The following TMC5 variants were observed in gnomAD, a reference collection of about 807,000 sequenced individuals.
The protein encoded by TMC5 is transmembrane channel like 5.
TMC5 carries 86 observed loss-of-function variants against 110.5 expected under a neutral mutation model. That is an observed-to-expected ratio of 0.78 (90% CI 0.65 to 0.93). The LOEUF is 0.93. TMC5 is among the 40% of genes least tolerant of loss of function. The pLI, the probability that TMC5 is intolerant of heterozygous loss-of-function variation, is 0.00. For synonymous variants in TMC5, 455 were observed against 439.5 expected, an observed-to-expected ratio of 1.04 and a Z score of -0.44; for missense variants, 1,144 against 1,222.8, an observed-to-expected ratio of 0.94 and a Z score of 0.96.
intron 19 of TMC5, among the ~76,000 whole-genome samples, chr16:19,492,917 T>TAGATAG (rs1255525405): frequency 9.1e-6 from 1 of 109,886 alleles, no homozygotes; most frequent in African/African-American, 2.9e-5. Flanking sequence ...AAAACTTAGA[T>TAGATAG]ATATATATAT....
At position 19,466,190 on chromosome 16, in the gene TMC5, A is replaced by G. The variant is rs1968185813; in HGVS notation, c.1594A>G (p.Ile532Val). The G allele has an allele frequency of 5.0e-6, 8 of 1,614,094 alleles. No homozygotes were observed. The highest frequency in any genetic ancestry group is 6.8e-6 in the Non-Finnish European group (8 of 1,180,030). ...CATGCAGCTGGCCTACATCTTCACA[A>G]TCGGAGCATGCTTGACCACCTGCTT... ...YNMQLAYIFTIGACLTTCFFS... is the reference protein window; with the variant it reads ...YNMQLAYIFTVGACLTTCFFS... The change falls in exon 9 of 22, where the codon ATC becomes GTC. Residue 532 changes from isoleucine (I) to valine (V), a missense_variant. Ile to Val is a conservative substitution (Grantham distance 29). Transcript: ENST00000542583.
At chr16:19,411,788 A>G (rs1966856483) in intron 1 of TMC5, 1 of 152,188 alleles carries the variant, frequency 6.6e-6, no homozygotes, top group African/African-American at 2.4e-5. Flanking sequence ...TAGATGTCCT[A>G]TAAATACTTG....
chr16:19,451,800 TTTA>T (rs1555482408), intron 5 of TMC5, among the ~76,000 whole-genome samples: 1 of 151,878 alleles, frequency 6.6e-6, no homozygotes, highest in Non-Finnish European at 1.5e-5. Context: ...ACTTTTTCTT[TTTA>T]TTATTATTAT....
At chr16:19,448,052 A>G (rs1967654929) in intron 4 of TMC5, among the ~76,000 whole-genome samples, 1 of 150,538 alleles carries the variant, frequency 6.6e-6, no homozygotes, top group Non-Finnish European at 1.5e-5. Flanking sequence ...GCTAATTGGG[A>G]GGCTGAGGCT....
At chr16:19,428,972 C>T (rs569682099) in intron 1 of TMC5, among the ~76,000 whole-genome samples, 22 of 152,026 alleles carry the variant, frequency 1.4e-4, no homozygotes, top group South Asian at 8.3e-4. Context: ...ATTACAGGTG[C>T]GAGCCACCAC....
Position 19,472,249 on chromosome 16 carries a change from C to T in TMC5, c.1938+6C>T. On this transcript the variant is annotated splice_donor_region_variant and intron_variant, in intron 11 of 21. Coordinates refer to ENST00000542583, the MANE Select transcript of TMC5 (RefSeq NM_001261841.2). ...TGGCTGAGTACAACTTAGAGGTAAC[C>T]AACACCAGGGTCCAGGGCAGAGAGA... 1 of 1,613,460 alleles carries T rather than the reference C, an allele frequency of 6.2e-7. No individual in the cohort carries two copies. Among genetic ancestry groups the T allele is most frequent in the South Asian group, 1.1e-5 (1 of 91,054 alleles).
Position 19,499,081 on chromosome 16 carries a change from A to G in TMC5, c.*1115A>G, listed in dbSNP as rs1969126993. On this transcript the variant is annotated 3_prime_UTR_variant, in exon 22 of 22. Transcript: ENST00000542583. Reference sequence around the variant, plus strand: ...CTCAAAAAAATAAATAAATAAATAAATAAAGTAAATTAAAAGTCTTATTCA... The same window carrying G: ...CTCAAAAAAATAAATAAATAAATAAGTAAAGTAAATTAAAAGTCTTATTCA... The G allele has an allele frequency of 6.7e-6, 1 of 149,052 alleles. No homozygotes were observed. Among genetic ancestry groups the G allele is most frequent in the South Asian group, 2.2e-4 (1 of 4,632 alleles). 9.2% of individuals were successfully genotyped at this position (149,052 alleles called of 1,614,324 possible).
chr16:19,490,727 C>G, intron 18 of TMC5, among the ~76,000 whole-genome samples, 159 bp downstream of exon 18: 1 of 51,552 alleles, frequency 1.9e-5, no homozygotes, highest in Non-Finnish European at 8.2e-5. Context: ...TCCTTCCTTC[C>G]TTCCTTCCTT....
rs1333834256 is a variant in TMC5 at position 19,434,298 on chromosome 16, AT to A, written c.-80+3659del. 2.1e-4 allele frequency among the ~76,000 whole-genome samples: 21 copies of A among 97,928 alleles called. 1 individual carries two copies. The East Asian group carries it at 2.5e-3, about 12-fold the overall frequency. 64.2% of individuals were successfully genotyped at this position (97,928 alleles called of 152,430 possible). Reference sequence around the variant, plus strand: ...TAGATCTATATATAATATATATTATATGATCTATATTATATATATAATATAG... The same window carrying A: ...TAGATCTATATATAATATATATTATAGATCTATATTATATATATAATATAG... On this transcript the variant is annotated intron_variant, in intron 2 of 21. Transcript: ENST00000542583.
intron 4 of TMC5, among the ~76,000 whole-genome samples, chr16:19,447,765 G>A (rs1405960185): frequency 2.6e-5 from 4 of 151,906 alleles, no homozygotes; most frequent in Non-Finnish European, 5.9e-5. Context: ...TGTTGCCCAA[G>A]CTGGTCTCAA....
At chr16:19,495,798 C>T (rs1028574522) in intron 20 of TMC5, among the ~76,000 whole-genome samples, 1 of 151,842 alleles carries the variant, frequency 6.6e-6, no homozygotes, top group Admixed American at 6.6e-5. Context: ...ATGATCCCAT[C>T]ACCGCACTCC....
intron 15 of TMC5, among the ~76,000 whole-genome samples, chr16:19,484,581 G>A (rs1434749099): frequency 1.3e-5 from 2 of 152,036 alleles, no homozygotes; most frequent in Non-Finnish European, 2.9e-5. Flanking sequence ...GGCCAACATG[G>A]TGAAACCCTG....
At chr16:19,438,435 G>GAAAGAA (rs376582005) in intron 2 of TMC5, among the ~76,000 whole-genome samples, 2,975 of 103,524 alleles carry the variant, frequency 0.029, 82 homozygotes, top group Non-Finnish European at 0.031. Context: ...AAGAAAGAAA[G>GAAAGAA]AGAAAGAAAG....
rs60108922 is a variant in TMC5, at chr16:19,441,307, A to AT, written c.788+490dup. On this transcript the variant is annotated intron_variant, in intron 3 of 21. Coordinates refer to ENST00000542583, the MANE Select transcript of TMC5 (RefSeq NM_001261841.2). The stretch of plus-strand genomic sequence containing the variant: ...CACTTCTTTGTTTTTTTTTTTGGTC[A>AT]TTTTTTTTTCTTATTTTTTTTATTT... 4.9e-3 allele frequency among the ~76,000 whole-genome samples: 706 copies of AT among 144,042 alleles called. 3 individuals are homozygous for AT. Among genetic ancestry groups the AT allele is most frequent in the African/African-American group, 0.018 (673 of 37,558 alleles). 94.5% of individuals were successfully genotyped at this position (144,042 alleles called of 152,430 possible).
At position 19,498,666 on chromosome 16, in the gene TMC5, TA is replaced by T. The variant is rs1482267084; in HGVS notation, c.*702del. 6.6e-6 allele frequency: 1 copy of T among 152,178 alleles called. No individual in the cohort carries two copies. The highest frequency in any genetic ancestry group is 1.5e-5 in the Non-Finnish European group (1 of 68,038). 9.4% of individuals were successfully genotyped at this position (152,178 alleles called of 1,614,324 possible). A position where few individuals can be genotyped will look rare whatever the true frequency, so the allele number is the denominator to read the frequency against. ...GATTTATCCGAGACGCGATTATTGC[TA>T]ATTGGAAATTTTCCCAATACCCCAC... On this transcript the variant is annotated 3_prime_UTR_variant, in exon 22 of 22. Coordinates refer to ENST00000542583, the MANE Select transcript of TMC5 (RefSeq NM_001261841.2).
chr16:19,456,472 A>T, intron 5 of TMC5: 1 of 1,209,780 alleles, frequency 8.3e-7, no homozygotes, highest in Non-Finnish European at 1.0e-6. Flanking sequence ...GCAGGAAAAC[A>T]CTCCTTCTCC....
At chr16:19,423,493 C>T (rs960582595) in intron 1 of TMC5, among the ~76,000 whole-genome samples, 8 of 152,212 alleles carry the variant, frequency 5.3e-5, no homozygotes, top group Non-Finnish European at 1.0e-4. Context: ...ACATTTTCCC[C>T]TAATAAAGTT....
intron 2 of TMC5, among the ~76,000 whole-genome samples, chr16:19,439,607 C>G (rs1225979704): frequency 6.6e-6 from 1 of 152,222 alleles, no homozygotes; most frequent in Non-Finnish European, 1.5e-5. Context: ...ATCCTTTCCT[C>G]TGTTGTGCAT....
intron 18 of TMC5, among the ~76,000 whole-genome samples, 189 bp downstream of exon 18, chr16:19,490,757 T>TCCTTCCTTCCTTC (rs1968872033): frequency 1.7e-5 from 1 of 59,126 alleles, no homozygotes; most frequent in African/African-American, 3.8e-5. Flanking sequence ...CTTCCTTCCT[T>TCCTTCCTTCCTTC]CCTTCCCTTC....
Sources: allele counts gnomAD v4.1 joint callset (sites outside exome capture counted in the v4.1 genomes callset), GRCh38; gene constraint gnomAD v4.1.1; transcripts MANE v1.5; gene names NCBI Gene and HGNC (gene_info 2026-07-23, HGNC 2026-07-21).